The following RFC1 variants were observed in gnomAD, a reference collection of about 807,000 sequenced individuals.
RFC1 encodes the protein A1 140 kDa subunit.
In RFC1, 37 loss-of-function variants were observed where a neutral mutation model predicts 137.4. That is an observed-to-expected ratio of 0.27 (90% CI 0.21 to 0.35). RFC1 has a LOEUF of 0.35. Among genes scored for constraint, RFC1 ranks in the 10% least tolerant of loss-of-function variants. RFC1 has a pLI of 1.00. For synonymous variants in RFC1, 429 were observed against 455.7 expected (o/e 0.94, Z 0.75); for missense variants, 1,205 against 1,358.5 (o/e 0.89, Z 1.78).
At chr4:39,292,863 G>T (rs1737764183) in intron 22 of RFC1, among the ~76,000 whole-genome samples, 1 of 151,868 alleles carries the variant, frequency 6.6e-6, no homozygotes, top group Admixed American at 6.6e-5. Flanking sequence ...GCCCAGGCTG[G>T]TCTCAAACTC....
At position 39,288,579 on chromosome 4, in the gene RFC1, G is replaced by A. The variant is rs1378086126; in HGVS notation, c.*182C>T. 1.8e-6 allele frequency: 1 copy of A among 570,478 alleles called. No homozygotes were observed. Among genetic ancestry groups the A allele is most frequent in the Non-Finnish European group, 3.2e-6 (1 of 316,742 alleles). The allele number at this position is 570,478 out of a possible 1,614,324, so 35.3% of individuals were successfully genotyped here. On this transcript the variant is annotated 3_prime_UTR_variant, in exon 25 of 25. Coordinates refer to ENST00000349703, the MANE Select transcript of RFC1 (RefSeq NM_002913.5). ...AGCAGTCCTATCAACCTCTATAAGA[G>A]GTGTACATAAGCCTACTGCTCATAC...
chr4:39,319,344 C>T (rs757937046), intron 9 of RFC1, among the ~76,000 whole-genome samples: 19 of 152,314 alleles, frequency 1.2e-4, no homozygotes, highest in Non-Finnish European at 2.4e-4. Flanking sequence ...GACCTGAGTT[C>T]AAGGCTGGCC....
intron 6 of RFC1, among the ~76,000 whole-genome samples, chr4:39,325,592 A>G (rs935878970): frequency 6.6e-6 from 1 of 152,120 alleles, no homozygotes; most frequent in African/African-American, 2.4e-5. Context: ...TATGTTACCC[A>G]GACTGGTCTC....
chr4:39,329,055 G>T (rs539322542), intron 4 of RFC1, among the ~76,000 whole-genome samples: 1 of 123,774 alleles, frequency 8.1e-6, no homozygotes, highest in Admixed American at 1.0e-4. Flanking sequence ...TCATGACAAC[G>T]TTTAGATAAT....
intron 23 of RFC1, among the ~76,000 whole-genome samples, chr4:39,291,120 G>A (rs1359399228): frequency 6.6e-6 from 1 of 152,102 alleles, no homozygotes; most frequent in Non-Finnish European, 1.5e-5. Context: ...GGTATTGGAT[G>A]TTACATATTC....
intron 1 of RFC1, among the ~76,000 whole-genome samples, chr4:39,359,373 T>C (rs879549508): frequency 6.6e-6 from 1 of 152,168 alleles, no homozygotes. Flanking sequence ...AATGGAATAC[T>C]ACTCAATCAT....
At chr4:39,355,337 G>C (rs566104885) in intron 1 of RFC1, among the ~76,000 whole-genome samples, 1 of 151,872 alleles carries the variant, frequency 6.6e-6, no homozygotes, top group South Asian at 2.1e-4. Context: ...CAGGAGGCTG[G>C]GGTGGCACTT....
chr4:39,326,639 A>G lies in RFC1; in HGVS notation c.566T>C (p.Leu189Pro). The G allele has an allele frequency of 6.2e-7, 1 of 1,610,294 alleles. No individual in the cohort carries two copies. Among genetic ancestry groups the G allele is most frequent in the Non-Finnish European group, 8.5e-7 (1 of 1,177,516 alleles). The change falls in exon 6 of 25, where the codon CTT (leucine) becomes CCT (proline). Residue 189 changes from leucine (L) to proline (P), a missense_variant and splice_region_variant. Leu to Pro is a moderately conservative substitution (Grantham distance 98). Coordinates refer to ENST00000349703, the MANE Select transcript of RFC1 (RefSeq NM_002913.5). Reference protein sequence around the residue: ...KKMVASKRKELSQNTDESGLN... With the variant: ...KKMVASKRKEPSQNTDESGLN... ...TCCAGACTCATCTGTATTTTGTGAA[A>G]GCTATATTTCAAAGAAAATCAAGCA...
At chr4:39,327,172 G>A (rs1739815387) in intron 5 of RFC1, among the ~76,000 whole-genome samples, 1 of 152,066 alleles carries the variant, frequency 6.6e-6, no homozygotes, top group Admixed American at 6.5e-5. Flanking sequence ...CTATTTATAA[G>A]GAATCTATTT....
At chr4:39,324,868 A>G (rs1392141978) in intron 6 of RFC1, among the ~76,000 whole-genome samples, 1 of 152,210 alleles carries the variant, frequency 6.6e-6, no homozygotes, top group African/African-American at 2.4e-5. Context: ...TAGTCTGGGA[A>G]AGTGACACTT....
At chr4:39,297,221 G>A (rs1738064469) in intron 21 of RFC1, among the ~76,000 whole-genome samples, 1 of 88,618 alleles carries the variant, frequency 1.1e-5, no homozygotes, top group African/African-American at 5.9e-5. Flanking sequence ...CACTCTGATG[G>A]TAGTTTCTTT....
intron 14 of RFC1, among the ~76,000 whole-genome samples, chr4:39,305,314 A>G (rs17288482): frequency 0.018 from 2,687 of 152,268 alleles, 84 homozygotes; most frequent in African/African-American, 0.062. Flanking sequence ...TTAATCTAGT[A>G]TAAGATACCA....
intron 6 of RFC1, among the ~76,000 whole-genome samples, chr4:39,324,942 T>C (rs998514124): frequency 2.0e-5 from 3 of 152,312 alleles, no homozygotes; most frequent in South Asian, 2.1e-4. Flanking sequence ...CTGACAGAGA[T>C]GAGCGCTCCT....
At chr4:39,326,029 G>A (rs1317932037) in intron 6 of RFC1, among the ~76,000 whole-genome samples, 3 of 152,034 alleles carry the variant, frequency 2.0e-5, no homozygotes, top group African/African-American at 2.4e-5. Context: ...GTGAAACTCC[G>A]TCTCTACTAA....
rs1737498451 is a variant in RFC1 at position 39,288,639 on chromosome 4, A to T, written c.*122T>A. 1 of 678,510 alleles carries T rather than the reference A, an allele frequency of 1.5e-6. No individual in the cohort carries two copies. Among genetic ancestry groups the T allele is most frequent in the African/African-American group, 1.8e-5 (1 of 55,516 alleles). 42.0% of individuals were successfully genotyped at this position (678,510 alleles called of 1,614,324 possible). On this transcript the variant is annotated 3_prime_UTR_variant, in exon 25 of 25. Coordinates refer to ENST00000349703, the MANE Select transcript of RFC1 (RefSeq NM_002913.5). ...CATACCACCCTTTATTTATAATGGG[A>T]CACCAGGTCATCCCATTATGCTAAA...
chr4:39,361,415 A>G (rs1279567079), intron 1 of RFC1, among the ~76,000 whole-genome samples: 1 of 152,198 alleles, frequency 6.6e-6, no homozygotes, highest in Non-Finnish European at 1.5e-5. Context: ...TCAATAAAAT[A>G]TTTAAAATTA....
Position 39,295,716 on chromosome 4 carries a change from T to TA in RFC1, c.2851dup (p.Tyr951LeufsTer22). 6.2e-7 allele frequency: 1 copy of TA among 1,613,680 alleles called. No individual in the cohort carries two copies. The highest frequency in any genetic ancestry group is 8.5e-7 in the Non-Finnish European group (1 of 1,179,752). On this transcript the variant is annotated frameshift_variant, in exon 22 of 25. Coordinates refer to ENST00000349703, the MANE Select transcript of RFC1 (RefSeq NM_002913.5). LOFTEE classifies it high-confidence loss of function. ...TGGGAAGGTGGGAAACTGGGTCATGTACCCCCTCATCAACTCTCCAGGAAG... is the reference window on the plus strand; with the variant it reads ...TGGGAAGGTGGGAAACTGGGTCATGTAACCCCCTCATCAACTCTCCAGGAAG...
At chr4:39,359,458 AG>A (rs1417730160) in intron 1 of RFC1, among the ~76,000 whole-genome samples, 1 of 152,238 alleles carries the variant, frequency 6.6e-6, no homozygotes, top group Non-Finnish European at 1.5e-5. Context: ...GAAGTAACTC[AG>A]GAATGGAAAA....
At chr4:39,353,405 A>AAAAG (rs1741310277) in intron 1 of RFC1, among the ~76,000 whole-genome samples, 2 of 150,742 alleles carry the variant, frequency 1.3e-5, no homozygotes, top group Non-Finnish European at 3.0e-5. Context: ...CTCAAAAAAA[A>AAAAG]AAAAAAAAAA....
Sources: gnomAD v4.1 joint callset for allele counts (sites outside exome capture counted in the v4.1 genomes callset) on GRCh38, gnomAD v4.1.1 for gene constraint, MANE v1.5 for transcripts, NCBI Gene and HGNC (gene_info 2026-07-23, HGNC 2026-07-21) for gene names.